The following LPA variants were observed in gnomAD, a reference collection of about 807,000 sequenced individuals.
LPA encodes apolipoprotein(a).
LPA carries 199 observed loss-of-function variants against 197.9 expected under a neutral mutation model. The ratio of observed to expected loss-of-function variants is 1.01; its 90% confidence interval spans 0.90 to 1.13. The LOEUF is 1.13. Among genes scored for constraint, LPA ranks in the 50% most tolerant of loss-of-function variants. The probability of loss-of-function intolerance (pLI) is 0.00; values close to 1 mark genes in which losing one functional copy is unlikely to be tolerated. For missense variants in LPA, 1,853 were observed against 1,785.8 expected, an observed-to-expected ratio of 1.04 and a Z score of -0.68; for synonymous variants, 715 against 639.5, an observed-to-expected ratio of 1.12 and a Z score of -1.78.
chr6:160,583,222 C>T (rs182146690), intron 26 of LPA, among the ~76,000 whole-genome samples: 3 of 151,444 alleles, frequency 2.0e-5, no homozygotes, highest in Non-Finnish European at 4.4e-5. Context: ...ACACTAAATG[C>T]TTTTTGTATG....
At position 160,547,800 on chromosome 6, in the gene LPA, G is replaced by C. The variant is rs1583570485; in HGVS notation, c.5293C>G (p.Leu1765Val). ...TCAAAGTGGCTTACATTTTTTTCCA[G>C]ACCTGCCCATTTATTTGTCCCTGGA... Reference protein sequence around the residue: ...FIPGTNKWAGLEKNYCRNPDG... With the variant: ...FIPGTNKWAGVEKNYCRNPDG... Residue 1765 changes from leucine to valine, a missense_variant, in exon 32 of 39, where the codon CTG becomes GTG. Physicochemically the swap from Leu to Val is conservative, Grantham distance 32 (BLOSUM62 1). Around this residue, in one of 3 missense-constraint regions of LPA, gnomAD observed 1,737 missense variants for 1,504.4 expected, o/e 1.15. Transcript: ENST00000316300. 1 of 1,613,850 alleles carries C rather than the reference G, an allele frequency of 6.2e-7. No individual in the cohort carries two copies. Among genetic ancestry groups the C allele is most frequent in the African/African-American group, 1.3e-5 (1 of 74,844 alleles).
chr6:160,651,682 AT>A (rs1199401421), intron 1 of LPA, among the ~76,000 whole-genome samples: 2 of 152,248 alleles, frequency 1.3e-5, no homozygotes, highest in African/African-American at 4.8e-5. Flanking sequence ...TCACTGTTAA[AT>A]AATAAAGCAA....
At chr6:160,560,690 C>T (rs936885452) in intron 28 of LPA, among the ~76,000 whole-genome samples, 20 of 151,828 alleles carry the variant, frequency 1.3e-4, no homozygotes, top group African/African-American at 4.8e-4. Flanking sequence ...AAACATTAGC[C>T]CTTTGTCAGA....
chr6:160,568,256 C>T (rs9355291), intron 28 of LPA, among the ~76,000 whole-genome samples: 26,040 of 152,038 alleles, frequency 0.17, 3,026 homozygotes, highest in East Asian at 0.49. Context: ...ACTGGCAAAC[C>T]GAATCCAGCA....
At chr6:160,555,238 A>AATTATATCATATTAT (rs1554231843) in intron 30 of LPA, among the ~76,000 whole-genome samples, 5 of 119,950 alleles carry the variant, frequency 4.2e-5, no homozygotes, top group Non-Finnish European at 6.7e-5. Flanking sequence ...TATATATATT[A>AATTATATCATATTAT]ATTATATTAT....
chr6:160,569,396 T>G (rs1778521669), intron 28 of LPA, among the ~76,000 whole-genome samples: 1 of 151,984 alleles, frequency 6.6e-6, no homozygotes, highest in Non-Finnish European at 1.5e-5. Flanking sequence ...TTTCCCTATT[T>G]AATACATGGT....
chr6:160,590,779 C>G (rs182628031), intron 23 of LPA, among the ~76,000 whole-genome samples, 165 bp downstream of exon 23: 41 of 152,252 alleles, frequency 2.7e-4, no homozygotes, highest in Admixed American at 2.7e-3. Context: ...AAAATCTCAG[C>G]CCTGGTTCCC....
chr6:160,576,398 A>ATATATACATATATATATATATATATGTG, intron 28 of LPA, among the ~76,000 whole-genome samples: 1 of 54,992 alleles, frequency 1.8e-5, no homozygotes, highest in East Asian at 6.2e-4. Flanking sequence ...ATGTATATAT[A>ATATATACATATATATATATATATATGTG]TATATATATA....
chr6:160,658,479 C>A (rs1375984279), intron 1 of LPA, among the ~76,000 whole-genome samples: 2 of 152,140 alleles, frequency 1.3e-5, no homozygotes, highest in Non-Finnish European at 2.9e-5. Flanking sequence ...GACAGATCCC[C>A]TGAGATCATC....
intron 7 of LPA, among the ~76,000 whole-genome samples, 159 bp downstream of exon 7, chr6:160,634,964 G>T (rs570109748): frequency 6.7e-6 from 1 of 150,174 alleles, no homozygotes; most frequent in Non-Finnish European, 1.5e-5. Flanking sequence ...CACTCCGCTG[G>T]CTCCCCCAGA....
intron 32 of LPA, among the ~76,000 whole-genome samples, chr6:160,547,266 T>C (rs779604873): frequency 5.3e-5 from 8 of 152,176 alleles, no homozygotes; most frequent in Non-Finnish European, 8.8e-5. Flanking sequence ...TCATCAGGCA[T>C]TAGATTCTCA....
chr6:160,590,698 G>A (rs185979314), intron 23 of LPA, among the ~76,000 whole-genome samples: 3 of 152,158 alleles, frequency 2.0e-5, no homozygotes, highest in Admixed American at 6.5e-5. Context: ...GAATAACCAG[G>A]GGAGTGGTAA....
Position 160,548,699 on chromosome 6 carries a change from G to T in LPA, c.4974-40C>A, listed in dbSNP as rs556173670. On this transcript the variant is annotated intron_variant, in intron 30 of 38. Transcript: ENST00000316300. ...GCAATACAAGTTACAGGAGGCGGAA[G>T]AATATTCAGGGACATCCAGCACCCT... 5 of 1,604,956 alleles carry T rather than the reference G, an allele frequency of 3.1e-6. No individual in the cohort carries two copies. The African/African-American group carries it at 4.0e-5, about 13-fold the overall frequency.
intron 37 of LPA, among the ~76,000 whole-genome samples, chr6:160,535,215 TGAGGAAATATAGAGGATA>T: frequency 6.9e-6 from 1 of 144,866 alleles, no homozygotes. Flanking sequence ...ATAATACAGA[TGAGGAAATATAGAGGATA>T]GTGATGATGG....
chr6:160,545,081 A>G lies in LPA; in HGVS notation c.5398+359T>C, dbSNP rs9347412. On this transcript the variant is annotated intron_variant, in intron 33 of 38. Coordinates refer to ENST00000316300, the MANE Select transcript of LPA (RefSeq NM_005577.4). ...TTTTTCTTCTCAGCTGCAGAAGAGG[A>G]CAGTTTTTCATCATAATGACTCTAA... Among the ~76,000 whole-genome samples the G allele has an allele frequency of 1.8e-3, 272 of 152,024 alleles. 4 individuals are homozygous for G. The East Asian group carries it at 0.044, about 25-fold the overall frequency.
chr6:160,648,377 C>T (rs189070973), intron 2 of LPA, among the ~76,000 whole-genome samples: 12 of 152,196 alleles, frequency 7.9e-5, no homozygotes, highest in Admixed American at 5.9e-4. Context: ...TTCTTGAGTC[C>T]GTGATTTTTT....
chr6:160,590,277 G>T (rs1358950250), intron 23 of LPA, among the ~76,000 whole-genome samples: 2 of 152,134 alleles, frequency 1.3e-5, no homozygotes, highest in African/African-American at 2.4e-5. Flanking sequence ...CTTGGGCCCA[G>T]GATCCTGCAT....
chr6:160,656,777 C>T (rs1038919708), intron 1 of LPA, among the ~76,000 whole-genome samples: 1 of 152,064 alleles, frequency 6.6e-6, no homozygotes, highest in Non-Finnish European at 1.5e-5. Context: ...GTAACAGGTT[C>T]GAGTCTGGAA....
chr6:160,595,667 T>A (rs1779119042), intron 20 of LPA, 132 bp from the exon 21 acceptor site: 1 of 1,310,934 alleles, frequency 7.6e-7, no homozygotes, highest in East Asian at 2.4e-5. Flanking sequence ...TCCCATAATA[T>A]GCACAAATGG....
Sources: allele counts gnomAD v4.1 joint callset (sites outside exome capture counted in the v4.1 genomes callset), GRCh38; gene constraint gnomAD v4.1.1; regional missense constraint gnomAD v4.1.1; transcripts MANE v1.5; gene names NCBI Gene and HGNC (gene_info 2026-07-23, HGNC 2026-07-21).